Variants in NUBPL observed in about 807,000 individuals in gnomAD.
NUBPL encodes iron-sulfur cluster transfer protein NUBPL.
In NUBPL, 31 loss-of-function variants were observed where a neutral mutation model predicts 45.7. That is an observed-to-expected ratio of 0.68 (90% confidence interval 0.51 to 0.92). NUBPL has a LOEUF of 0.92. NUBPL is among the 40% of genes least tolerant of loss of function. NUBPL has a pLI of 0.00. For missense variants in NUBPL, 401 were observed against 398.7 expected (o/e 1.01, Z -0.05); for synonymous variants, 144 against 140.9 (o/e 1.02, Z -0.15).
chr14:31,638,882 C>A (rs1354305804), intron 4 of NUBPL, among the ~76,000 whole-genome samples: 1 of 152,192 alleles, frequency 6.6e-6, no homozygotes, highest in African/African-American at 2.4e-5. Flanking sequence ...CGGATCGGCT[C>A]CTGAGGCTTC....
chr14:31,753,186 G>A (rs1251154944), intron 6 of NUBPL, among the ~76,000 whole-genome samples: 3 of 152,210 alleles, frequency 2.0e-5, no homozygotes, highest in East Asian at 1.9e-4. Flanking sequence ...AGCCAACTGA[G>A]TGGGCCGGTT....
chr14:31,595,119 T>C (rs529744538), intron 3 of NUBPL, among the ~76,000 whole-genome samples: 4 of 152,290 alleles, frequency 2.6e-5, no homozygotes, highest in South Asian at 4.1e-4. Context: ...CACACAAAAA[T>C]AAGACGTGTA....
intron 9 of NUBPL, among the ~76,000 whole-genome samples, chr14:31,849,372 T>C (rs1317277484): frequency 6.6e-6 from 1 of 152,192 alleles, no homozygotes; most frequent in African/African-American, 2.4e-5. Flanking sequence ...TCAGTCTTGA[T>C]AGACTTCATT....
chr14:31,647,843 A>G (rs180974738), intron 4 of NUBPL, among the ~76,000 whole-genome samples: 41 of 152,322 alleles, frequency 2.7e-4, no homozygotes, highest in African/African-American at 9.4e-4. Flanking sequence ...TATCTAGCTT[A>G]TTTGTACCCA....
intron 7 of NUBPL, among the ~76,000 whole-genome samples, chr14:31,819,250 T>G (rs548823403): frequency 6.6e-6 from 1 of 152,240 alleles, no homozygotes; most frequent in East Asian, 1.9e-4. Context: ...AGATGTTGAA[T>G]GATTATTTTC....
At chr14:31,626,373 C>T (rs560979635) in intron 4 of NUBPL, among the ~76,000 whole-genome samples, 66 of 152,120 alleles carry the variant, frequency 4.3e-4, no homozygotes, top group Non-Finnish European at 7.6e-4. Flanking sequence ...CTCCTGACCT[C>T]AGGTGATCCG....
chr14:31,768,539 C>T (rs939726312), intron 6 of NUBPL, among the ~76,000 whole-genome samples: 1 of 152,154 alleles, frequency 6.6e-6, no homozygotes, highest in African/African-American at 2.4e-5. Flanking sequence ...AGTCCTTTGA[C>T]CTGAAACTCT....
At chr14:31,720,364 T>A (rs1273983764) in intron 6 of NUBPL, among the ~76,000 whole-genome samples, 1 of 152,240 alleles carries the variant, frequency 6.6e-6, no homozygotes. Context: ...AAAACATGGA[T>A]ATAGTAATAT....
intron 6 of NUBPL, among the ~76,000 whole-genome samples, chr14:31,736,159 T>C (rs1334298184): frequency 6.6e-6 from 1 of 152,232 alleles, no homozygotes; most frequent in Non-Finnish European, 1.5e-5. Flanking sequence ...TTTTTAAATA[T>C]ATAAAGCCAA....
At chr14:31,844,540 T>A (rs1386670410) in intron 8 of NUBPL, 1 of 152,258 alleles carries the variant, frequency 6.6e-6, no homozygotes, top group African/African-American at 2.4e-5. Context: ...ATTAGATGCT[T>A]GGAAAATGCT....
rs554964002 is a variant in NUBPL, at chr14:31,761,612, G to A, written c.514-26168G>A. ...TTTCTCCCTTAGTAGTGAAGTGATA[G>A]TAGTCATATAGTTTAGCAACCTGCC... On this transcript the variant is annotated intron_variant, in intron 6 of 10. Coordinates refer to ENST00000281081, the MANE Select transcript of NUBPL (RefSeq NM_025152.3). 2.6e-5 allele frequency among the ~76,000 whole-genome samples: 4 copies of A among 152,238 alleles called. No individual in the cohort carries two copies. The East Asian group carries it at 5.8e-4, about 22-fold the overall frequency.
chr14:31,850,980 AAAAGACTAGT>A (rs1384542504), intron 10 of NUBPL, among the ~76,000 whole-genome samples: 1 of 152,212 alleles, frequency 6.6e-6, no homozygotes, highest in African/African-American at 2.4e-5. Context: ...AGGTGAGGTG[AAAAGACTAGT>A]AGTGTTTCAT....
intron 3 of NUBPL, among the ~76,000 whole-genome samples, chr14:31,590,969 A>G (rs568914929): frequency 6.6e-6 from 1 of 152,300 alleles, no homozygotes; most frequent in African/African-American, 2.4e-5. Flanking sequence ...CCTCCTTACT[A>G]AATGAAAATG....
intron 3 of NUBPL, among the ~76,000 whole-genome samples, chr14:31,578,259 G>T (rs2033769758): frequency 6.6e-6 from 1 of 152,148 alleles, no homozygotes; most frequent in Non-Finnish European, 1.5e-5. Flanking sequence ...ATTCTAATAT[G>T]CCAGAAAATT....
At chr14:31,724,925 G>A (rs926487482) in intron 6 of NUBPL, among the ~76,000 whole-genome samples, 4 of 151,994 alleles carry the variant, frequency 2.6e-5, no homozygotes, top group Non-Finnish European at 5.9e-5. Context: ...GGAAGGAAAG[G>A]GAGTGAGCCA....
At chr14:31,614,198 G>GT (rs772961456) in intron 4 of NUBPL, among the ~76,000 whole-genome samples, 4 of 152,182 alleles carry the variant, frequency 2.6e-5, no homozygotes, top group East Asian at 1.9e-4. Context: ...CTGTAAGCAA[G>GT]TTTTTTTGTT....
At chr14:31,749,336 G>A (rs1232620720) in intron 6 of NUBPL, among the ~76,000 whole-genome samples, 1 of 152,050 alleles carries the variant, frequency 6.6e-6, no homozygotes, top group Non-Finnish European at 1.5e-5. Context: ...GGCAGTTATT[G>A]TCCTTTTGCT....
chr14:31,636,369 T>C (rs1463712986), intron 4 of NUBPL, among the ~76,000 whole-genome samples: 3 of 152,276 alleles, frequency 2.0e-5, no homozygotes, highest in Non-Finnish European at 1.5e-5. Context: ...TTGTCTTTGG[T>C]TCTGTTTATA....
intron 7 of NUBPL, among the ~76,000 whole-genome samples, chr14:31,814,251 T>C (rs998147588): frequency 1.3e-5 from 2 of 152,240 alleles, no homozygotes; most frequent in Non-Finnish European, 1.5e-5. Context: ...TGGTATCTCA[T>C]TGTGGTTTTG....
Sources: allele counts gnomAD v4.1 joint callset (sites outside exome capture counted in the v4.1 genomes callset), GRCh38; gene constraint gnomAD v4.1.1; transcripts MANE v1.5; gene names NCBI Gene and HGNC (gene_info 2026-07-23, HGNC 2026-07-21).